ANGPT1: variants seen among roughly 807,000 people sequenced by gnomAD.
The protein encoded by ANGPT1 is angiopoietin-1.
A neutral mutation model predicts 62.2 loss-of-function variants in ANGPT1; 17 were observed. The observed-to-expected ratio is 0.27, with a 90% confidence interval of 0.19 to 0.41. The LOEUF is 0.41. Among genes scored for constraint, ANGPT1 ranks in the 10% least tolerant of loss-of-function variants. ANGPT1 has a pLI of 1.00. For synonymous variants in ANGPT1, 199 were observed against 198.9 expected (o/e 1.00, Z 0.00); for missense variants, 478 against 594.9 (o/e 0.80, Z 2.04).
At chr8:107,328,251 T>G (rs915817409) in intron 3 of ANGPT1, among the ~76,000 whole-genome samples, 1 of 152,100 alleles carries the variant, frequency 6.6e-6, no homozygotes, top group Non-Finnish European at 1.5e-5. Context: ...TTTCTCCCCA[T>G]TTAAATACAC....
At chr8:107,277,125 G>A (rs992695468) in intron 7 of ANGPT1, among the ~76,000 whole-genome samples, 3 of 151,904 alleles carry the variant, frequency 2.0e-5, no homozygotes, top group South Asian at 2.1e-4. Context: ...ATTATCATTC[G>A]GACTTAACTA....
At chr8:107,420,373 C>T (rs1304589691) in intron 1 of ANGPT1, among the ~76,000 whole-genome samples, 1 of 151,962 alleles carries the variant, frequency 6.6e-6, no homozygotes, top group Non-Finnish European at 1.5e-5. Flanking sequence ...CGTGACAAAG[C>T]CTATCAGTTC....
intron 1 of ANGPT1, among the ~76,000 whole-genome samples, chr8:107,390,766 C>G (rs1230627395): frequency 6.6e-6 from 1 of 152,012 alleles, no homozygotes; most frequent in Non-Finnish European, 1.5e-5. Flanking sequence ...TAAGCACTAC[C>G]ATTATACCCA....
chr8:107,419,479 A>G (rs1042809394), intron 1 of ANGPT1, among the ~76,000 whole-genome samples: 2 of 152,122 alleles, frequency 1.3e-5, no homozygotes, highest in African/African-American at 4.8e-5. Flanking sequence ...TCCTCCAATC[A>G]CATTTTTCCA....
chr8:107,295,745 A>G (rs7819061), intron 5 of ANGPT1, among the ~76,000 whole-genome samples: 1,900 of 152,268 alleles, frequency 0.012, 43 homozygotes, highest in African/African-American at 0.044. Flanking sequence ...ACAGATATCC[A>G]AAGAAAAAGT....
At chr8:107,397,932 A>C (rs1009612179) in intron 1 of ANGPT1, among the ~76,000 whole-genome samples, 7 of 152,172 alleles carry the variant, frequency 4.6e-5, no homozygotes, top group African/African-American at 1.7e-4. Flanking sequence ...TTGGTTTCCT[A>C]TGATTCAAAT....
chr8:107,476,921 T>C (rs1218225527), intron 1 of ANGPT1, among the ~76,000 whole-genome samples: 1 of 152,130 alleles, frequency 6.6e-6, no homozygotes, highest in Non-Finnish European at 1.5e-5. Context: ...GTTCTCTAGC[T>C]GCTTCTCCAT....
intron 1 of ANGPT1, among the ~76,000 whole-genome samples, chr8:107,454,078 A>C (rs1388099263): frequency 6.6e-6 from 1 of 152,082 alleles, no homozygotes; most frequent in African/African-American, 2.4e-5. Flanking sequence ...TATAATATGA[A>C]TGAAAAGACC....
chr8:107,418,249 C>T (rs1025292423), intron 1 of ANGPT1, among the ~76,000 whole-genome samples: 5 of 152,128 alleles, frequency 3.3e-5, no homozygotes, highest in African/African-American at 1.2e-4. Context: ...TCTAGATAAA[C>T]CCCCGTCACC....
chr8:107,382,294 TTTTC>T (rs1816653606), intron 1 of ANGPT1, among the ~76,000 whole-genome samples: 1 of 152,194 alleles, frequency 6.6e-6, no homozygotes, highest in East Asian at 1.9e-4. Context: ...ATTTTTATTC[TTTTC>T]TTTCAACAAA....
At chr8:107,358,714 A>G (rs539598589) in intron 1 of ANGPT1, among the ~76,000 whole-genome samples, 2 of 152,302 alleles carry the variant, frequency 1.3e-5, no homozygotes, top group South Asian at 4.1e-4. Context: ...CCCATCCCCA[A>G]CAAGCTGGGA....
chr8:107,261,613 G>A (rs921582948), intron 8 of ANGPT1, among the ~76,000 whole-genome samples: 11 of 151,830 alleles, frequency 7.2e-5, no homozygotes, highest in Admixed American at 1.3e-4. Context: ...GCTGAGGCAG[G>A]AGAATGGCAA....
At chr8:107,339,929 G>T (rs1368523916) in intron 2 of ANGPT1, among the ~76,000 whole-genome samples, 6 of 152,292 alleles carry the variant, frequency 3.9e-5, no homozygotes, top group Non-Finnish European at 1.5e-5. Flanking sequence ...CAGGCTAAAT[G>T]CCGATCTAAA....
chr8:107,466,769 C>T (rs62514474), intron 1 of ANGPT1, among the ~76,000 whole-genome samples: 3 of 151,804 alleles, frequency 2.0e-5, no homozygotes, highest in Non-Finnish European at 4.4e-5. Flanking sequence ...AAACCTAGCT[C>T]GGTGTGGTGG....
intron 1 of ANGPT1, among the ~76,000 whole-genome samples, chr8:107,351,087 C>A (rs554236740): frequency 9.9e-5 from 15 of 152,144 alleles, no homozygotes; most frequent in African/African-American, 2.4e-4. Flanking sequence ...TTGCTGACCA[C>A]AAGAGCTAAT....
At chr8:107,407,655 A>G (rs771243382) in intron 1 of ANGPT1, among the ~76,000 whole-genome samples, 3 of 152,198 alleles carry the variant, frequency 2.0e-5, no homozygotes, top group Non-Finnish European at 2.9e-5. Context: ...AGCTCAAAGG[A>G]GTAAATAATA....
At chr8:107,417,882 C>T (rs1478726648) in intron 1 of ANGPT1, among the ~76,000 whole-genome samples, 1 of 152,154 alleles carries the variant, frequency 6.6e-6, no homozygotes, top group Non-Finnish European at 1.5e-5. Flanking sequence ...TGTAAGTCTA[C>T]AGTGTGAAAT....
intron 1 of ANGPT1, among the ~76,000 whole-genome samples, chr8:107,471,613 A>G (rs1812360485): frequency 6.6e-6 from 1 of 152,096 alleles, no homozygotes; most frequent in Non-Finnish European, 1.5e-5. Flanking sequence ...AACATTAGAA[A>G]GTGTCACATA....
chr8:107,290,172 T>A (rs1814239217), intron 6 of ANGPT1, among the ~76,000 whole-genome samples: 2 of 152,080 alleles, frequency 1.3e-5, no homozygotes, highest in Admixed American at 6.6e-5. Flanking sequence ...AAAATAATGA[T>A]AATATATAGT....
Sources: gnomAD v4.1 joint callset for allele counts (sites outside exome capture counted in the v4.1 genomes callset) on GRCh38, gnomAD v4.1.1 for gene constraint, MANE v1.5 for transcripts, NCBI Gene and HGNC (gene_info 2026-07-23, HGNC 2026-07-21) for gene names.